Variants in EPHA6 observed in about 807,000 individuals in gnomAD.
EPHA6 encodes EPH receptor A6.
EPHA6 carries 50 observed loss-of-function variants against 112.0 expected under a neutral mutation model. The observed-to-expected ratio is 0.45, with a 90% CI of 0.36 to 0.56. The LOEUF (loss-of-function observed/expected upper bound fraction) is 0.56, where lower values mean the gene tolerates loss of function less well. EPHA6 is among the 20% of genes least tolerant of loss of function. The probability of loss-of-function intolerance (pLI) is 0.00; values close to 1 mark genes in which losing one functional copy is unlikely to be tolerated. For synonymous variants in EPHA6, 529 were observed against 490.7 expected (o/e 1.08, Z -1.03); for missense variants, 1,280 against 1,417.4 (o/e 0.90, Z 1.56).
intron 10 of EPHA6, among the ~76,000 whole-genome samples, chr3:97,531,822 A>G (rs953469371): frequency 2.1e-4 from 32 of 152,074 alleles, no homozygotes; most frequent in African/African-American, 6.8e-4. Context: ...TGTGGCTTGT[A>G]ATGTAGCCTG....
At chr3:97,615,713 C>T (rs2107480302) in intron 13 of EPHA6, among the ~76,000 whole-genome samples, 1 of 152,242 alleles carries the variant, frequency 6.6e-6, no homozygotes, top group East Asian at 1.9e-4. Context: ...TCTACCAAAA[C>T]ATGTCCAGAT....
chr3:97,132,645 G>A (rs2075661402), intron 3 of EPHA6, among the ~76,000 whole-genome samples: 1 of 152,066 alleles, frequency 6.6e-6, no homozygotes, highest in Admixed American at 6.6e-5. Flanking sequence ...AACACATTAA[G>A]CTATTACCAG....
intron 14 of EPHA6, among the ~76,000 whole-genome samples, chr3:97,667,468 C>T (rs2030266017): frequency 6.6e-6 from 1 of 152,092 alleles, no homozygotes; most frequent in South Asian, 2.1e-4. Context: ...GATATTTTTA[C>T]CATTCAGCAT....
At chr3:97,052,410 CTT>C (rs1440609570) in intron 3 of EPHA6, among the ~76,000 whole-genome samples, 6 of 151,930 alleles carry the variant, frequency 3.9e-5, no homozygotes, top group African/African-American at 9.7e-5. Context: ...TTGCCAAAGA[CTT>C]TAATTTTTTT....
At chr3:97,048,348 G>A (rs1342893938) in intron 3 of EPHA6, among the ~76,000 whole-genome samples, 1 of 152,160 alleles carries the variant, frequency 6.6e-6, no homozygotes, top group African/African-American at 2.4e-5. Flanking sequence ...GACACTGCAT[G>A]TGAACAAAAG....
At chr3:96,910,551 C>T (rs533308469) in intron 2 of EPHA6, among the ~76,000 whole-genome samples, 2 of 152,194 alleles carry the variant, frequency 1.3e-5, no homozygotes, top group South Asian at 2.1e-4. Context: ...CTAACCCAGT[C>T]ATCAGTTAAA....
At chr3:97,306,293 CT>C (rs5851061) in intron 5 of EPHA6, among the ~76,000 whole-genome samples, 19,222 of 124,788 alleles carry the variant, frequency 0.15, 2,690 homozygotes, top group African/African-American at 0.35. Flanking sequence ...TCAGGGCCCT[CT>C]TTTTTTTTTT....
chr3:97,622,587 CATTT>C (rs1229434135), intron 13 of EPHA6, among the ~76,000 whole-genome samples: 3 of 151,756 alleles, frequency 2.0e-5, no homozygotes, highest in East Asian at 1.9e-4. Flanking sequence ...ACTTTCCATT[CATTT>C]GAGTATATAT....
At chr3:97,517,182 G>A (rs147120522) in intron 10 of EPHA6, among the ~76,000 whole-genome samples, 1 of 152,116 alleles carries the variant, frequency 6.6e-6, no homozygotes, top group Non-Finnish European at 1.5e-5. Flanking sequence ...GTGTTGTGTA[G>A]TAAGTATATT....
chr3:97,464,159 A>T (rs2107403229), intron 7 of EPHA6, among the ~76,000 whole-genome samples: 1 of 152,186 alleles, frequency 6.6e-6, no homozygotes, highest in East Asian at 1.9e-4. Flanking sequence ...TGCCAAACTG[A>T]TTGTGAATCC....
chr3:96,870,899 G>C (rs993521583), intron 2 of EPHA6, among the ~76,000 whole-genome samples: 7 of 151,950 alleles, frequency 4.6e-5, no homozygotes, highest in Non-Finnish European at 1.0e-4. Flanking sequence ...CATATAGTAA[G>C]AAGTAATTCA....
At chr3:97,132,554 T>C (rs2108330694) in intron 3 of EPHA6, among the ~76,000 whole-genome samples, 1 of 152,158 alleles carries the variant, frequency 6.6e-6, no homozygotes, top group Non-Finnish European at 1.5e-5. Context: ...CTCTTAGCTG[T>C]TTTCCAGATG....
intron 10 of EPHA6, among the ~76,000 whole-genome samples, chr3:97,489,882 T>C (rs1272114270): frequency 2.0e-5 from 3 of 152,124 alleles, no homozygotes; most frequent in Non-Finnish European, 4.4e-5. Context: ...AATTAGTAGA[T>C]TTACTGTCAG....
intron 14 of EPHA6, among the ~76,000 whole-genome samples, chr3:97,710,748 G>A (rs1464601045): frequency 6.6e-6 from 1 of 152,190 alleles, no homozygotes; most frequent in Non-Finnish European, 1.5e-5. Context: ...CTCTACTGTT[G>A]TTTTGTCTCT....
intron 1 of EPHA6, among the ~76,000 whole-genome samples, chr3:96,861,843 C>G (rs1370376197): frequency 1.3e-5 from 2 of 151,920 alleles, no homozygotes; most frequent in Non-Finnish European, 2.9e-5. Context: ...GTATGATCCT[C>G]TTTAGAAGAT....
chr3:97,602,972 C>T (rs1560180957), intron 12 of EPHA6, among the ~76,000 whole-genome samples: 1 of 151,844 alleles, frequency 6.6e-6, no homozygotes. Context: ...ATAACCACTT[C>T]CTTCATAATT....
intron 14 of EPHA6, among the ~76,000 whole-genome samples, chr3:97,643,631 G>T (rs541811625): frequency 1.7e-4 from 26 of 151,620 alleles, no homozygotes; most frequent in African/African-American, 6.3e-4. Flanking sequence ...AAAAAAGCAG[G>T]CGTTGCAATC....
chr3:97,223,622 C>T (rs550434668), intron 3 of EPHA6, among the ~76,000 whole-genome samples: 6 of 152,210 alleles, frequency 3.9e-5, no homozygotes, highest in South Asian at 2.1e-4. Context: ...TTCTACTCTC[C>T]GAGGAAGAGA....
At chr3:97,701,042 A>G (rs982148858) in intron 14 of EPHA6, among the ~76,000 whole-genome samples, 2 of 152,328 alleles carry the variant, frequency 1.3e-5, no homozygotes, top group African/African-American at 4.8e-5. Context: ...AGAGCACAGT[A>G]TCCAGAGCAT....
Sources: gnomAD v4.1 joint callset for allele counts (sites outside exome capture counted in the v4.1 genomes callset) on GRCh38, gnomAD v4.1.1 for gene constraint, MANE v1.5 for transcripts, NCBI Gene and HGNC (gene_info 2026-07-23, HGNC 2026-07-21) for gene names.